Variants in USP31 observed in about 807,000 individuals in gnomAD.
The protein encoded by USP31 is ubiquitin specific peptidase 31, also known as ubiquitin carboxyl-terminal hydrolase 31.
In USP31, 44 loss-of-function variants were observed where a neutral mutation model predicts 119.4. The ratio of observed to expected loss-of-function variants is 0.37; its 90% CI spans 0.29 to 0.47. The LOEUF is 0.47. Ranked by LOEUF, USP31 falls within the 20% of genes least tolerant of loss-of-function variation. USP31 has a pLI of 0.99. For synonymous variants in USP31, 749 were observed against 705.6 expected (o/e 1.06, Z -0.97); for missense variants, 1,643 against 1,730.2 (o/e 0.95, Z 0.89).
intron 1 of USP31, among the ~76,000 whole-genome samples, chr16:23,146,463 G>C (rs923062035): frequency 3.9e-5 from 6 of 152,032 alleles, no homozygotes; most frequent in Admixed American, 6.6e-5. Flanking sequence ...AGGAGGCAGA[G>C]GTTGCAGTGG....
chr16:23,068,995 T>C lies in USP31; in HGVS notation c.3110A>G (p.Lys1037Arg). Residue 1037 changes from lysine to arginine, a missense_variant, in exon 16 of 16, where the codon AAA (lysine) becomes AGA (arginine). Lys to Arg is a conservative substitution (Grantham distance 26). Coordinates refer to ENST00000219689, the MANE Select transcript of USP31 (RefSeq NM_020718.4). ...PSSKGTSEPE[K>R]SLRKGRPALA... ...GGCTGGTCTCCCCTTCCGCAAGCTT[T>C]TCTCTGGCTCAGAAGTGCCTTTGGA... The C allele has an allele frequency of 6.2e-7, 1 of 1,614,038 alleles. No homozygotes were observed. The highest frequency in any genetic ancestry group is 8.5e-7 in the Non-Finnish European group (1 of 1,180,016).
At chr16:23,094,249 G>A (rs1375308250) in intron 6 of USP31, among the ~76,000 whole-genome samples, 2 of 152,188 alleles carry the variant, frequency 1.3e-5, no homozygotes, top group Non-Finnish European at 2.9e-5. Context: ...CACTGCTAGC[G>A]CAGCAGTCTG....
intron 1 of USP31, among the ~76,000 whole-genome samples, chr16:23,134,019 G>A (rs1296635825): frequency 6.6e-6 from 1 of 151,980 alleles, no homozygotes; most frequent in Non-Finnish European, 1.5e-5. Flanking sequence ...CAAGGCTGCA[G>A]TGAGCCAATA....
At chr16:23,073,596 T>G in intron 14 of USP31, 126 bp downstream of exon 14, 1 of 1,215,524 alleles carries the variant, frequency 8.2e-7, no homozygotes, top group East Asian at 2.5e-5. Flanking sequence ...CCAGATTAAA[T>G]GGAAACGTAA....
chr16:23,133,893 T>C (rs1231454811), intron 1 of USP31, among the ~76,000 whole-genome samples: 1 of 152,006 alleles, frequency 6.6e-6, no homozygotes, highest in East Asian at 1.9e-4. Context: ...CTGGGCAACA[T>C]GGCAAAACCC....
At chr16:23,106,558 A>G in intron 2 of USP31, 71 bp from the exon 3 acceptor site, 1 of 1,401,714 alleles carries the variant, frequency 7.1e-7, no homozygotes, top group Admixed American at 2.4e-5. Flanking sequence ...AAGCTAGAGA[A>G]TCACATATGA....
chr16:23,143,121 A>C (rs1201425104), intron 1 of USP31, among the ~76,000 whole-genome samples: 2 of 152,156 alleles, frequency 1.3e-5, no homozygotes. Context: ...AAGCACCACA[A>C]GGCACCAAAG....
intron 1 of USP31, among the ~76,000 whole-genome samples, chr16:23,143,533 A>G (rs1903413117): frequency 6.6e-6 from 1 of 151,788 alleles, no homozygotes; most frequent in South Asian, 2.1e-4. Flanking sequence ...GTGCTGCTGC[A>G]AACACATATA....
chr16:23,111,411 T>C (rs1902312416), intron 1 of USP31, among the ~76,000 whole-genome samples: 1 of 152,174 alleles, frequency 6.6e-6, no homozygotes, highest in Non-Finnish European at 1.5e-5. Flanking sequence ...CAACTGGTAG[T>C]ACCCTGCATC....
rs1400366833 is a variant in USP31 at position 23,084,863 on chromosome 16, C to T, written c.1827G>A (p.Glu609=). ...GAAATGCTGCCCAGTCTCTTACCCG[C>T]TCCTCTTTGGTGTACAGTTGGAAAC... is the stretch of plus-strand genomic sequence containing the variant. The part of the protein sequence containing the change: ...SQCFQLYTKE[E]RLAPDDAWRC... Residue 609 remains glutamate, a synonymous_variant, in exon 11 of 16, where the codon GAG becomes GAA. Transcript: ENST00000219689. 2 of 1,613,940 alleles carry T rather than the reference C, an allele frequency of 1.2e-6. No individual in the cohort carries two copies. Among genetic ancestry groups the T allele is most frequent in the South Asian group, 1.1e-5 (1 of 91,054 alleles).
At chr16:23,090,509 A>T in intron 7 of USP31, 115 bp downstream of exon 7, 1 of 1,100,194 alleles carries the variant, frequency 9.1e-7, no homozygotes. Context: ...TCTAAATATC[A>T]GAATCAAAAA....
At position 23,068,239 on chromosome 16, in the gene USP31, C is replaced by T. The variant is rs780771900; in HGVS notation, c.3866G>A (p.Gly1289Glu). 16 of 1,614,038 alleles carry T rather than the reference C, an allele frequency of 9.9e-6. No homozygotes were observed. In the East Asian group the frequency reaches 3.6e-4, roughly 36 times the overall value. Residue 1289 changes from glycine (G) to glutamate (E), a missense_variant, in exon 16 of 16, where the codon GGA (glycine) becomes GAA (glutamate). Transcript: ENST00000219689. Reference sequence around the variant, plus strand: ...GTCCTTGGTGACAAGCTGCTCTTTTCCCGTTGTATTTGCATTTGGCTGCTG... The same window carrying T: ...GTCCTTGGTGACAAGCTGCTCTTTTTCCGTTGTATTTGCATTTGGCTGCTG... ...ASQQPNANTT[G>E]KEQLVTKDPA...
intron 9 of USP31, among the ~76,000 whole-genome samples, chr16:23,086,409 A>C (rs193001584): frequency 8.5e-5 from 13 of 152,188 alleles, no homozygotes; most frequent in Admixed American, 2.6e-4. Flanking sequence ...TAGTGTGTAT[A>C]TATGTATATT....
chr16:23,108,460 A>G (rs1902197356), intron 1 of USP31, among the ~76,000 whole-genome samples: 1 of 152,234 alleles, frequency 6.6e-6, no homozygotes, highest in Non-Finnish European at 1.5e-5. Context: ...AGAAAATATT[A>G]ATCAAGGTTT....
intron 6 of USP31, among the ~76,000 whole-genome samples, chr16:23,098,360 G>A (rs141064099): frequency 6.6e-6 from 1 of 152,018 alleles, no homozygotes; most frequent in Non-Finnish European, 1.5e-5. Flanking sequence ...CATGCTCATG[G>A]ATAGGAAGAA....
intron 9 of USP31, 114 bp from the exon 10 acceptor site, chr16:23,085,776 T>G (rs1489470571): frequency 7.3e-6 from 7 of 961,284 alleles, no homozygotes; most frequent in Non-Finnish European, 1.1e-5. Flanking sequence ...TTAATGAAAA[T>G]CTTCATCATA....
intron 1 of USP31, among the ~76,000 whole-genome samples, chr16:23,144,520 C>T (rs983958830): frequency 2.0e-5 from 3 of 152,012 alleles, no homozygotes; most frequent in Non-Finnish European, 4.4e-5. Context: ...CACTCTGTCA[C>T]CCAGGCTGGA....
chr16:23,089,648 C>G (rs1444124617), intron 7 of USP31, among the ~76,000 whole-genome samples: 1 of 152,212 alleles, frequency 6.6e-6, no homozygotes, highest in Admixed American at 6.5e-5. Flanking sequence ...TTAAGAAACA[C>G]TGAGTCCTTT....
rs970706502 is a variant in USP31 at position 23,107,992 on chromosome 16, A to T, written c.771+54T>A. 6 of 1,555,306 alleles carry T rather than the reference A, an allele frequency of 3.9e-6. No homozygotes were observed. The African/African-American group carries it at 4.1e-5, about 11-fold the overall frequency. ...CAATGCAACAAGTCCTCAGTAGAAG[A>T]ATCTACACACTCTCATGGCTGGCTG... On this transcript the variant is annotated intron_variant, in intron 2 of 15. Coordinates refer to ENST00000219689, the MANE Select transcript of USP31 (RefSeq NM_020718.4).
Sources: gnomAD v4.1 joint callset for allele counts (sites outside exome capture counted in the v4.1 genomes callset) on GRCh38, gnomAD v4.1.1 for gene constraint, MANE v1.5 for transcripts, NCBI Gene and HGNC (gene_info 2026-07-23, HGNC 2026-07-21) for gene names.